LRRD1: variants seen among roughly 807,000 people sequenced by gnomAD.
LRRD1 encodes the protein leucine rich repeats and death domain containing 1.
A neutral mutation model predicts 69.5 loss-of-function variants in LRRD1; 49 were observed. The ratio of observed to expected loss-of-function variants is 0.70; its 90% confidence interval spans 0.56 to 0.89. LRRD1 has a LOEUF of 0.89. LRRD1 is among the 40% of genes least tolerant of loss of function. The pLI is 0.00. For missense variants in LRRD1, 853 were observed against 956.0 expected (o/e 0.89, Z 1.42); for synonymous variants, 303 against 338.9 (o/e 0.89, Z 1.16).
At position 92,154,842 on chromosome 7, in the gene LRRD1, C is replaced by T. The variant is rs182084810; in HGVS notation, c.2117-4147G>A. Among the ~76,000 whole-genome samples, 195 of 152,254 alleles carry T rather than the reference C, an allele frequency of 1.3e-3. 1 individual carries two copies. The highest frequency in any genetic ancestry group is 2.3e-3 in the South Asian group (11 of 4,820). On this transcript the variant is annotated intron_variant, in intron 3 of 5. Coordinates refer to ENST00000458448, the MANE Select transcript of LRRD1 (RefSeq NM_001161528.2). ...CCATGGGAGATACCTTCCAAGACCC[C>T]CCAGCTGATGCCTACAAACCAAATA...
intron 4 of LRRD1, among the ~76,000 whole-genome samples, chr7:92,148,147 G>A (rs1419052556): frequency 6.6e-6 from 1 of 151,964 alleles, no homozygotes; most frequent in African/African-American, 2.4e-5. Flanking sequence ...TGGCATGTTG[G>A]CCAGGCCAGT....
chr7:92,159,825 T>C (rs1244381723), intron 2 of LRRD1, among the ~76,000 whole-genome samples: 2 of 152,042 alleles, frequency 1.3e-5, no homozygotes, highest in Admixed American at 1.3e-4. Flanking sequence ...TTTGCCATGT[T>C]GGCCAAGCTG....
intron 2 of LRRD1, among the ~76,000 whole-genome samples, chr7:92,160,483 A>G (rs1190881488): frequency 1.3e-5 from 2 of 152,220 alleles, no homozygotes; most frequent in Admixed American, 6.5e-5. Context: ...TCAGAGAACT[A>G]AAGTAAAGCT....
At position 92,144,867 on chromosome 7, in the gene LRRD1, T is replaced by C; in HGVS notation, c.*21A>G. 7.0e-7 allele frequency: 1 copy of C among 1,418,472 alleles called. No individual in the cohort carries two copies. The highest frequency in any genetic ancestry group is 9.4e-7 in the Non-Finnish European group (1 of 1,064,308). The allele number at this position is 1,418,472 out of a possible 1,614,324, so 87.9% of individuals were successfully genotyped here. ...TTATAAGTGCATCAAAAGTTTTCAG[T>C]TTTTATTATTGATCCACTGGTTAGA... On this transcript the variant is annotated 3_prime_UTR_variant, in exon 6 of 6. Transcript: ENST00000458448.
intron 2 of LRRD1, among the ~76,000 whole-genome samples, chr7:92,159,966 T>A (rs902516015): frequency 2.6e-5 from 4 of 152,162 alleles, no homozygotes; most frequent in Non-Finnish European, 5.9e-5. Flanking sequence ...TTAGATTTTC[T>A]AAATGACATG....
At chr7:92,163,122 T>C (rs1295947291) in intron 2 of LRRD1, among the ~76,000 whole-genome samples, 164 bp downstream of exon 2, 1 of 152,236 alleles carries the variant, frequency 6.6e-6, no homozygotes, top group African/African-American at 2.4e-5. Context: ...GAATTGTATT[T>C]ATAAGCCATG....
At chr7:92,155,869 G>C (rs1214702504) in intron 3 of LRRD1, among the ~76,000 whole-genome samples, 1 of 152,198 alleles carries the variant, frequency 6.6e-6, no homozygotes, top group East Asian at 1.9e-4. Context: ...AGGGCAGGAA[G>C]CATCCAGCAT....
In LRRD1 at chr7:92,163,819, T is replaced by G; in HGVS notation, c.1384A>C (p.Asn462His). The G allele has an allele frequency of 6.7e-7, 1 of 1,499,702 alleles. No individual in the cohort carries two copies. Among genetic ancestry groups the G allele is most frequent in the Non-Finnish European group, 8.9e-7 (1 of 1,129,324 alleles). The allele number at this position is 1,499,702 out of a possible 1,614,324, so 92.9% of individuals were successfully genotyped here. A position where few individuals can be genotyped will look rare whatever the true frequency, so the allele number is the denominator to read the frequency against. ...IITDVPIEIK[N>H]CQKIIKIELS... ...TCAATTTTAATTATTTTTTGGCAGT[T>G]TTTTATTTCAATGGGAACATCTGTG... is the stretch of plus-strand genomic sequence containing the variant. The change falls in exon 2 of 6, where the codon AAC becomes CAC. Residue 462 changes from asparagine (N) to histidine (H), a missense_variant. Physicochemically the swap from Asn to His is moderately conservative, Grantham distance 68 (BLOSUM62 1). This residue lies in a region of LRRD1 where 739 missense variants were observed against 808.0 expected (regional missense o/e 0.91). Transcript: ENST00000458448.
At chr7:92,172,595 T>C (rs1262066332) in intron 1 of LRRD1, among the ~76,000 whole-genome samples, 1 of 151,078 alleles carries the variant, frequency 6.6e-6, no homozygotes, top group African/African-American at 2.4e-5. Flanking sequence ...TTAGAATAGC[T>C]GCAAATAATA....
intron 1 of LRRD1, among the ~76,000 whole-genome samples, chr7:92,177,450 T>G (rs1268842669): frequency 6.6e-6 from 1 of 152,228 alleles, no homozygotes; most frequent in Non-Finnish European, 1.5e-5. Context: ...GGGGATATAA[T>G]TGCCTTCCCT....
chr7:92,151,004 G>T (rs1487084183), intron 3 of LRRD1, among the ~76,000 whole-genome samples: 1 of 152,188 alleles, frequency 6.6e-6, no homozygotes, highest in African/African-American at 2.4e-5. Flanking sequence ...CATAATTTTT[G>T]ATTCATAGAA....
intron 3 of LRRD1, among the ~76,000 whole-genome samples, chr7:92,157,892 T>C (rs1051365559): frequency 3.3e-5 from 5 of 152,108 alleles, no homozygotes; most frequent in Non-Finnish European, 7.4e-5. Flanking sequence ...TAATGATTTC[T>C]TCTTTGAAAT....
At chr7:92,165,974 T>C in intron 1 of LRRD1, among the ~76,000 whole-genome samples, 1 of 152,094 alleles carries the variant, frequency 6.6e-6, no homozygotes, top group East Asian at 1.9e-4. Context: ...ATGGTACTAG[T>C]GTCTTGCTCT....
chr7:92,152,193 A>G (rs1820486320), intron 3 of LRRD1, among the ~76,000 whole-genome samples: 1 of 139,956 alleles, frequency 7.1e-6, no homozygotes, highest in Non-Finnish European at 1.5e-5. Flanking sequence ...TTATAAACCT[A>G]GAATTTTATA....
chr7:92,155,751 T>C (rs1234301695), intron 3 of LRRD1, among the ~76,000 whole-genome samples: 3 of 152,186 alleles, frequency 2.0e-5, no homozygotes, highest in African/African-American at 7.2e-5. Context: ...AAGCCAATAG[T>C]GCAGCCTTCA....
chr7:92,142,929 T>C (rs763034237), downstream of LRRD1: 3 of 304,014 alleles, frequency 9.9e-6, no homozygotes, highest in South Asian at 2.8e-5. Context: ...GCTTCCGCAG[T>C]GTGGAAGGGG....
rs1428495272 is a variant in LRRD1, at chr7:92,164,248, G to A, written c.955C>T (p.Pro319Ser). The change falls in exon 2 of 6, where the codon CCA (proline) becomes TCA (serine). Residue 319 changes from proline (P) to serine (S), a missense_variant. Around this residue, in one of 3 missense-constraint regions of LRRD1, gnomAD observed 739 missense variants for 808.0 expected, o/e 0.91. Transcript: ENST00000458448. ...DLTGNLISSL[P>S]KEIRELKNLE... ...TTTTTAAGCTCTCTAATTTCTTTTGGCAAACTGCTTATTAGGTTTCCAGTA... is the reference window on the plus strand; with the variant it reads ...TTTTTAAGCTCTCTAATTTCTTTTGACAAACTGCTTATTAGGTTTCCAGTA... 1 of 1,550,418 alleles carries A rather than the reference G, an allele frequency of 6.4e-7. No homozygotes were observed. The highest frequency in any genetic ancestry group is 8.7e-7 in the Non-Finnish European group (1 of 1,146,574).
At position 92,164,476 on chromosome 7, in the gene LRRD1, TA is replaced by T; in HGVS notation, c.726del (p.Tyr242Ter). ...GAAGGAAAATTTTCAATGTAATTGT[TA>T]TAAAAAAAGAGTTGTCTGATATTCC... is the stretch of plus-strand genomic sequence containing the variant. ...QLGNIRQLFFYNNYIENFPSD... is the reference protein window; with the variant it reads ...QLGNIRQLFFXNNYIENFPSD... On this transcript the variant is annotated frameshift_variant, in exon 2 of 6. Coordinates refer to ENST00000458448, the MANE Select transcript of LRRD1 (RefSeq NM_001161528.2). LOFTEE classifies it high-confidence loss of function. The T allele has an allele frequency of 6.5e-7, 1 of 1,549,998 alleles. No individual in the cohort carries two copies. The highest frequency in any genetic ancestry group is 2.5e-5 in the East Asian group (1 of 40,810).
chr7:92,147,475 G>GTTTTGTT (rs1011708527), intron 4 of LRRD1, among the ~76,000 whole-genome samples: 2 of 17,744 alleles, frequency 1.1e-4, no homozygotes, highest in Non-Finnish European at 3.3e-4. Context: ...GCGTGGGTGT[G>GTTTTGTT]TTTTGTTTTG....
Sources: gnomAD v4.1 joint callset for allele counts (sites outside exome capture counted in the v4.1 genomes callset) on GRCh38, gnomAD v4.1.1 for gene constraint, gnomAD v4.1.1 regional missense constraint, MANE v1.5 for transcripts, NCBI Gene and HGNC (gene_info 2026-07-23, HGNC 2026-07-21) for gene names.